The following MGAT4C variants were observed in gnomAD, a reference collection of about 807,000 sequenced individuals.
The protein encoded by MGAT4C is MGAT4 family member C, also known as alpha-1,3-mannosyl-glycoprotein 4-beta-N-acetylglucosaminyltransferase C.
MGAT4C carries 19 observed loss-of-function variants against 40.1 expected under a neutral mutation model. The observed-to-expected ratio is 0.47, with a 90% CI of 0.33 to 0.70. The LOEUF is 0.70. Ranked by LOEUF, MGAT4C falls within the 30% of genes least tolerant of loss-of-function variation. The probability of loss-of-function intolerance (pLI) is 0.02; values close to 1 mark genes in which losing one functional copy is unlikely to be tolerated. For synonymous variants in MGAT4C, 181 were observed against 187.1 expected, an observed-to-expected ratio of 0.97 and a Z score of 0.27; for missense variants, 491 against 563.2, an observed-to-expected ratio of 0.87 and a Z score of 1.30.
chr12:86,372,736 T>C (rs1003327764), intron 3 of MGAT4C, among the ~76,000 whole-genome samples: 3 of 151,878 alleles, frequency 2.0e-5, no homozygotes, highest in Non-Finnish European at 4.4e-5. Context: ...TACAATTTTA[T>C]ATTCAATTGC....
In MGAT4C at chr12:86,078,702, C is replaced by T. The variant is rs568138436; in HGVS notation, c.-56-28979G>A. ...GTGAGTGGAAGTCCGTGTTGCTGGG[C>T]CCATGCATAACCTCTATCCCTGCCA... is the stretch of plus-strand genomic sequence containing the variant. On this transcript the variant is annotated intron_variant, in intron 1 of 4. Coordinates refer to ENST00000611864, the MANE Select transcript of MGAT4C (RefSeq NM_001351288.2). Among the ~76,000 whole-genome samples, 14 of 152,242 alleles carry T rather than the reference C, an allele frequency of 9.2e-5. No homozygotes were observed. The East Asian group carries it at 2.1e-3, about 23-fold the overall frequency.
At chr12:86,090,828 A>G (rs542372324) in intron 1 of MGAT4C, among the ~76,000 whole-genome samples, 3 of 151,924 alleles carry the variant, frequency 2.0e-5, no homozygotes, top group Non-Finnish European at 4.4e-5. Flanking sequence ...AGGATAAGGA[A>G]TAATGAGCAC....
Position 86,687,698 on chromosome 12 carries a change from G to C in MGAT4C, c.-229+39511C>G, listed in dbSNP as rs113529271. Among the ~76,000 whole-genome samples the C allele has an allele frequency of 3.4e-3, 524 of 152,236 alleles. 1 individual carries two copies. The highest frequency in any genetic ancestry group is 0.012 in the African/African-American group (502 of 41,574). ...CTCATTTGATTGCACTGTGGTCTGA[G>C]AGACTGTTATGATTTCTGTTCTTTT... is the stretch of plus-strand genomic sequence containing the variant. On this transcript the variant is annotated intron_variant, in intron 2 of 7. Transcript: ENST00000548651.
chr12:86,076,246 C>T (rs1869677378), intron 1 of MGAT4C, among the ~76,000 whole-genome samples: 1 of 152,202 alleles, frequency 6.6e-6, no homozygotes, highest in Non-Finnish European at 1.5e-5. Context: ...ACCTTTGCTT[C>T]AGTTCCCAAC....
At chr12:86,153,210 C>T (rs1461186717) in intron 1 of MGAT4C, among the ~76,000 whole-genome samples, 3 of 152,146 alleles carry the variant, frequency 2.0e-5, no homozygotes, top group African/African-American at 7.2e-5. Flanking sequence ...AAGTACATGG[C>T]CTCTAATTCT....
intron 4 of MGAT4C, among the ~76,000 whole-genome samples, chr12:86,311,033 T>C (rs1282877199): frequency 6.6e-6 from 1 of 152,274 alleles, no homozygotes; most frequent in Non-Finnish European, 1.5e-5. Flanking sequence ...CTGCTTACTC[T>C]GCTCTTCTCC....
At chr12:86,009,792 G>A (rs539985515) in intron 2 of MGAT4C, among the ~76,000 whole-genome samples, 43 of 151,932 alleles carry the variant, frequency 2.8e-4, no homozygotes, top group African/African-American at 5.8e-4. Context: ...CTTGAAAAAC[G>A]TTGCTCCATT....
intron 2 of MGAT4C, among the ~76,000 whole-genome samples, chr12:86,706,004 T>C (rs1950449359): frequency 6.6e-6 from 1 of 152,190 alleles, no homozygotes; most frequent in Non-Finnish European, 1.5e-5. Flanking sequence ...AGTCATTCAA[T>C]TCATCACTGT....
intron 2 of MGAT4C, among the ~76,000 whole-genome samples, chr12:86,482,310 A>G (rs1338582883): frequency 1.3e-5 from 2 of 152,118 alleles, no homozygotes; most frequent in Admixed American, 6.6e-5. Flanking sequence ...ATTTATAGAT[A>G]TCACATTTTA....
chr12:86,061,425 C>T (rs369916913), intron 1 of MGAT4C, among the ~76,000 whole-genome samples: 7 of 152,014 alleles, frequency 4.6e-5, no homozygotes, highest in African/African-American at 1.2e-4. Context: ...GCACAAAACT[C>T]GGCGGCAGTT....
At position 86,511,626 on chromosome 12, in the gene MGAT4C, G is replaced by A. The variant is rs370149581; in HGVS notation, c.-228-76361C>T. Among the ~76,000 whole-genome samples the A allele has an allele frequency of 8.2e-4, 124 of 151,078 alleles. 1 individual carries two copies. The South Asian group carries it at 0.024, about 29-fold the overall frequency. On this transcript the variant is annotated intron_variant, in intron 2 of 7. Coordinates refer to the MGAT4C transcript ENST00000548651. ...ATATACAGTCAACTGATCTTTGATC[G>A]GGGGCTAAGAATATACAATGGGGAA...
intron 1 of MGAT4C, among the ~76,000 whole-genome samples, chr12:86,830,881 C>A (rs897293809): frequency 1.3e-5 from 2 of 151,816 alleles, no homozygotes; most frequent in Non-Finnish European, 2.9e-5. Context: ...CAAAGAACCT[C>A]TACCTCATGG....
Position 86,159,758 on chromosome 12 carries a change from G to T in MGAT4C, c.-57+96481C>A, listed in dbSNP as rs562110607. ...CAATCTCTTCCTCATTCAATCTTGG[G>T]AGATTGTGTGCTTCCAGGAATTTAC... On this transcript the variant is annotated intron_variant, in intron 1 of 4. Coordinates refer to ENST00000611864, the MANE Select transcript of MGAT4C (RefSeq NM_001351288.2). Among the ~76,000 whole-genome samples, 7 of 152,080 alleles carry T rather than the reference G, an allele frequency of 4.6e-5. No individual in the cohort carries two copies. In the East Asian group the frequency reaches 1.2e-3, roughly 25 times the overall value.
intron 1 of MGAT4C, among the ~76,000 whole-genome samples, chr12:86,787,048 G>T (rs899878121): frequency 6.6e-6 from 1 of 152,060 alleles, no homozygotes; most frequent in Non-Finnish European, 1.5e-5. Flanking sequence ...AGTAAAGTTT[G>T]GTTACATGGA....
chr12:86,107,036 C>T (rs921566273), intron 1 of MGAT4C, among the ~76,000 whole-genome samples: 1 of 152,026 alleles, frequency 6.6e-6, no homozygotes, highest in Non-Finnish European at 1.5e-5. Context: ...TCAAGATTCA[C>T]TTTTGTGGAT....
intron 2 of MGAT4C, among the ~76,000 whole-genome samples, chr12:86,666,938 A>T (rs1964123122): frequency 6.6e-6 from 1 of 152,208 alleles, no homozygotes; most frequent in African/African-American, 2.4e-5. Context: ...TGCTGTCATC[A>T]GAATCAATAG....
chr12:86,799,374 G>A (rs1303108207), intron 1 of MGAT4C, among the ~76,000 whole-genome samples: 2 of 151,676 alleles, frequency 1.3e-5, no homozygotes, highest in African/African-American at 4.8e-5. Flanking sequence ...AAAATTTTCA[G>A]GTTTAAATAG....
rs1378780448 is a variant in MGAT4C at position 85,989,488 on chromosome 12, A to C, written c.59T>G (p.Leu20Arg). ...IFEILDKMRCLRKRSTVSFLG... is the reference protein window; with the variant it reads ...IFEILDKMRCRRKRSTVSFLG... The stretch of plus-strand genomic sequence containing the variant: ...GAATGACACTGTAGAACGTTTTCTC[A>C]GGCATCTCATTTTATCAAGTATTTC... Residue 20 changes from leucine (L) to arginine (R), a missense_variant, in exon 3 of 5, where the codon CTG (leucine) becomes CGG (arginine). Leu to Arg is a moderately radical substitution (Grantham distance 102). Transcript: ENST00000611864. 6.2e-7 allele frequency: 1 copy of C among 1,606,370 alleles called. No individual in the cohort carries two copies. The highest frequency in any genetic ancestry group is 8.5e-7 in the Non-Finnish European group (1 of 1,174,908).
intron 4 of MGAT4C, among the ~76,000 whole-genome samples, chr12:86,262,892 C>G (rs1425372608): frequency 4.6e-5 from 7 of 151,972 alleles, no homozygotes; most frequent in African/African-American, 1.7e-4. Flanking sequence ...TTTTGACCGA[C>G]TGGATTTCCA....
Sources: gnomAD v4.1 joint callset for allele counts (sites outside exome capture counted in the v4.1 genomes callset) on GRCh38, gnomAD v4.1.1 for gene constraint, MANE v1.5 for transcripts, NCBI Gene and HGNC (gene_info 2026-07-23, HGNC 2026-07-21) for gene names.